XDH: variants seen among roughly 807,000 people sequenced by gnomAD.
XDH encodes xanthine dehydrogenase/oxidase.
Under a neutral mutation model 156.1 loss-of-function variants are expected in XDH, and 138 were observed. That is an observed-to-expected ratio of 0.88 (90% CI 0.77 to 1.02). The LOEUF is 1.02. Ranked by LOEUF, XDH falls within the 50% of genes least tolerant of loss-of-function variation. XDH has a pLI of 0.00. For synonymous variants in XDH, 669 were observed against 625.7 expected, an observed-to-expected ratio of 1.07 and a Z score of -1.03; for missense variants, 1,849 against 1,684.9, an observed-to-expected ratio of 1.10 and a Z score of -1.71.
chr2:31,336,071 T>C (rs1684964652), intron 35 of XDH, 63 bp from the exon 36 acceptor site: 1 of 1,552,378 alleles, frequency 6.4e-7, no homozygotes, highest in Non-Finnish European at 8.9e-7. Context: ...CCCACTCTCT[T>C]GCATACCTCA....
intron 15 of XDH, among the ~76,000 whole-genome samples, chr2:31,374,572 C>T (rs1235940371): frequency 6.6e-6 from 1 of 152,120 alleles, no homozygotes; most frequent in Non-Finnish European, 1.5e-5. Context: ...AAATACTTGG[C>T]AGTGGTTTTC....
At chr2:31,413,143 C>A (rs2148016289) in intron 1 of XDH, among the ~76,000 whole-genome samples, 1 of 152,284 alleles carries the variant, frequency 6.6e-6, no homozygotes, top group Non-Finnish European at 1.5e-5. Flanking sequence ...AATAATAAAA[C>A]CTCAGAGTAA....
At chr2:31,348,815 G>A (rs969361639) in intron 27 of XDH, 84 bp downstream of exon 27, 22 of 1,323,060 alleles carry the variant, frequency 1.7e-5, no homozygotes, top group African/African-American at 1.5e-4. Flanking sequence ...CAGTGACAAC[G>A]AAATTTCCCT....
chr2:31,349,513 C>A (rs182510091), intron 26 of XDH, among the ~76,000 whole-genome samples, 173 bp downstream of exon 26: 2 of 152,258 alleles, frequency 1.3e-5, no homozygotes, highest in South Asian at 2.1e-4. Context: ...AGCCCACCTG[C>A]CCCGGGCTGA....
chr2:31,403,162 A>C lies in XDH; in HGVS notation c.101-18T>G. ...CAGCCCCACTGGGTGGTCAAGAGTT[A>C]AGGAGAATGAACTCAGGGAGAGGAG... is the stretch of plus-strand genomic sequence containing the variant. On this transcript the variant is annotated intron_variant, in intron 2 of 35. Transcript: ENST00000379416. 1 of 1,613,610 alleles carries C rather than the reference A, an allele frequency of 6.2e-7. No homozygotes were observed. Among genetic ancestry groups the C allele is most frequent in the Middle Eastern group, 1.6e-4 (1 of 6,062 alleles).
At chr2:31,364,505 G>A (rs745940984) in intron 23 of XDH, among the ~76,000 whole-genome samples, 10 of 151,906 alleles carry the variant, frequency 6.6e-5, no homozygotes, top group Non-Finnish European at 1.2e-4. Context: ...TCCTGCTACC[G>A]GCACCTGGCT....
intron 10 of XDH, 34 bp downstream of exon 10, chr2:31,383,721 C>A (rs767830317): frequency 6.2e-7 from 1 of 1,600,178 alleles, no homozygotes; most frequent in Non-Finnish European, 8.5e-7. Context: ...AGCCTCACAG[C>A]CCCTCCATAA....
intron 6 of XDH, among the ~76,000 whole-genome samples, chr2:31,397,109 G>A (rs1015008921): frequency 6.6e-6 from 1 of 152,210 alleles, no homozygotes; most frequent in Non-Finnish European, 1.5e-5. Context: ...TGGCAGGTGT[G>A]TGTATGTGTT....
At chr2:31,372,695 A>G (rs905418095) in intron 16 of XDH, among the ~76,000 whole-genome samples, 4 of 152,254 alleles carry the variant, frequency 2.6e-5, no homozygotes, top group Non-Finnish European at 5.9e-5. Flanking sequence ...CAACCATTAA[A>G]ACATACTTTT....
intron 12 of XDH, among the ~76,000 whole-genome samples, 179 bp downstream of exon 12, chr2:31,381,454 A>G (rs1312786286): frequency 3.9e-5 from 6 of 152,170 alleles, no homozygotes; most frequent in Non-Finnish European, 8.8e-5. Flanking sequence ...CTCTACAGAG[A>G]AAATATCCAG....
intron 6 of XDH, among the ~76,000 whole-genome samples, chr2:31,395,178 G>A (rs1362586573): frequency 2.0e-5 from 3 of 152,198 alleles, no homozygotes; most frequent in Non-Finnish European, 4.4e-5. Flanking sequence ...AAGATATGAA[G>A]GAGAAGTATC....
chr2:31,402,139 A>G (rs187964351), intron 3 of XDH, among the ~76,000 whole-genome samples: 1 of 152,338 alleles, frequency 6.6e-6, no homozygotes, highest in African/African-American at 2.4e-5. Context: ...AACTTGAGCT[A>G]CTTCTTACGA....
rs760388078 is a variant in XDH at position 31,339,392 on chromosome 2, A to C, written c.3774+97T>G. 4.6e-6 allele frequency: 7 copies of C among 1,515,106 alleles called. No individual in the cohort carries two copies. The East Asian group carries it at 1.6e-4, about 34-fold the overall frequency. The allele number at this position is 1,515,106 out of a possible 1,614,324, so 93.9% of individuals were successfully genotyped here. On this transcript the variant is annotated intron_variant, in intron 34 of 35. Transcript: ENST00000379416. ...TTCCCTCCTCAAGATATGCCCTTTG[A>C]AGTCCCACCAGGTGGGTCACTGAGG...
intron 34 of XDH, among the ~76,000 whole-genome samples, chr2:31,338,834 G>A (rs188503526): frequency 7.7e-5 from 11 of 142,776 alleles, no homozygotes; most frequent in East Asian, 4.3e-4. Flanking sequence ...AAAGATTCTC[G>A]TGCCTAAGCC....
chr2:31,408,741 T>A (rs996150060), intron 1 of XDH, among the ~76,000 whole-genome samples: 4 of 152,086 alleles, frequency 2.6e-5, no homozygotes, highest in Non-Finnish European at 5.9e-5. Context: ...CCCCCAAAAA[T>A]TAAGAATGGA....
Position 31,373,864 on chromosome 2 carries a change from C to T in XDH, c.1686+9G>A, listed in dbSNP as rs375864855. 2.0e-5 allele frequency: 32 copies of T among 1,613,400 alleles called. No homozygotes were observed. Among genetic ancestry groups the T allele is most frequent in the African/African-American group, 8.0e-5 (6 of 74,902 alleles). On this transcript the variant is annotated intron_variant, in intron 16 of 35. Coordinates refer to ENST00000379416, the MANE Select transcript of XDH (RefSeq NM_000379.4). ...CCCCTGATATTAGCCATACACTGAC[C>T]GTACTCACTTGGAAGAGCTGGACAT...
intron 4 of XDH, 133 bp from the exon 5 acceptor site, chr2:31,398,832 C>T (rs1274175150): frequency 3.5e-6 from 5 of 1,417,064 alleles, no homozygotes; most frequent in East Asian, 4.8e-5. Flanking sequence ...AGCCCCAGTG[C>T]CACCATTTAC....
At position 31,372,365 on chromosome 2, in the gene XDH, C is replaced by T. The variant is rs777603147; in HGVS notation, c.1719G>A (p.Met573Ile). 6.2e-7 allele frequency: 1 copy of T among 1,614,148 alleles called. No individual in the cohort carries two copies. The highest frequency in any genetic ancestry group is 1.7e-5 in the Admixed American group (1 of 60,032). The change falls in exon 17 of 36, where the codon ATG becomes ATA. Residue 573 changes from methionine (M) to isoleucine (I), a missense_variant. Physicochemically the swap from Met to Ile is conservative, Grantham distance 10. Transcript: ENST00000379416. Reference protein sequence around the residue: ...EVPKGQSEEDMVGRPLPHLAA... With the variant: ...EVPKGQSEEDIVGRPLPHLAA... The stretch of plus-strand genomic sequence containing the variant: ...CCAGGTGGGGCAGGGGCCGGCCCAC[C>T]ATGTCCTCCTCAGACTGACCCTTGG...
intron 1 of XDH, among the ~76,000 whole-genome samples, chr2:31,406,314 CTTCTGCCATG>C (rs1687190809): frequency 6.6e-6 from 1 of 152,144 alleles, no homozygotes; most frequent in African/African-American, 2.4e-5. Flanking sequence ...CCCACTTTGC[CTTCTGCCATG>C]AGTAAAAACT....
Sources: allele counts gnomAD v4.1 joint callset (sites outside exome capture counted in the v4.1 genomes callset), GRCh38; gene constraint gnomAD v4.1.1; transcripts MANE v1.5; gene names NCBI Gene and HGNC (gene_info 2026-07-23, HGNC 2026-07-21).